Variants in GRIK2 observed in about 807,000 individuals in gnomAD.
The protein encoded by GRIK2 is glutamate receptor ionotropic, kainate 2.
Under a neutral mutation model 100.3 loss-of-function variants are expected in GRIK2, and 32 were observed. That is an observed-to-expected ratio of 0.32 (90% CI 0.24 to 0.43). The LOEUF is 0.43. GRIK2 is among the 20% of genes least tolerant of loss of function. GRIK2 has a pLI of 1.00. For synonymous variants in GRIK2, 417 were observed against 389.4 expected (o/e 1.07, Z -0.83); for missense variants, 843 against 1,114.9 (o/e 0.76, Z 3.47).
chr6:101,871,771 A>G (rs1288697333), intron 11 of GRIK2, among the ~76,000 whole-genome samples: 6 of 151,848 alleles, frequency 4.0e-5, no homozygotes, highest in African/African-American at 7.3e-5. Flanking sequence ...TCTTTATCCA[A>G]TCCATTGTTG....
intron 1 of GRIK2, among the ~76,000 whole-genome samples, chr6:101,395,612 A>G (rs1178109068): frequency 6.6e-6 from 1 of 152,250 alleles, no homozygotes; most frequent in Non-Finnish European, 1.5e-5. Context: ...CTCAAGTAAT[A>G]GTGCCCAAGA....
At chr6:101,572,334 T>A (rs1188837295) in intron 2 of GRIK2, among the ~76,000 whole-genome samples, 4 of 152,108 alleles carry the variant, frequency 2.6e-5, no homozygotes. Flanking sequence ...TACCACTTCC[T>A]CATACCACCG....
chr6:101,812,901 A>G (rs1781422260), intron 9 of GRIK2, among the ~76,000 whole-genome samples: 1 of 152,078 alleles, frequency 6.6e-6, no homozygotes, highest in South Asian at 2.1e-4. Context: ...AAGATGCAAC[A>G]AAGTCTATGT....
intron 9 of GRIK2, among the ~76,000 whole-genome samples, chr6:101,805,848 T>C (rs186137162): frequency 3.9e-5 from 6 of 152,114 alleles, no homozygotes; most frequent in Non-Finnish European, 8.8e-5. Flanking sequence ...GCTTCTGTTG[T>C]TTACAACTGT....
chr6:102,023,098 A>AATT (rs1769517634), intron 14 of GRIK2, among the ~76,000 whole-genome samples: 1 of 151,470 alleles, frequency 6.6e-6, no homozygotes, highest in Non-Finnish European at 1.5e-5. Flanking sequence ...CAAAAAAATT[A>AATT]ATTTAAATTT....
intron 2 of GRIK2, among the ~76,000 whole-genome samples, chr6:101,486,133 C>G (rs1324290778): frequency 2.6e-5 from 4 of 151,950 alleles, no homozygotes; most frequent in Admixed American, 2.6e-4. Flanking sequence ...TGAGGAATAC[C>G]ATGCCTTGGT....
chr6:101,851,256 A>G (rs1784110770), intron 10 of GRIK2, among the ~76,000 whole-genome samples: 1 of 152,048 alleles, frequency 6.6e-6, no homozygotes, highest in Non-Finnish European at 1.5e-5. Flanking sequence ...GGTGAAGGAA[A>G]TCAAATTAAC....
At chr6:102,019,259 T>C (rs991927894) in intron 14 of GRIK2, among the ~76,000 whole-genome samples, 1 of 152,072 alleles carries the variant, frequency 6.6e-6, no homozygotes, top group Non-Finnish European at 1.5e-5. Flanking sequence ...AGATGGATGG[T>C]GTTACAGGAA....
intron 14 of GRIK2, among the ~76,000 whole-genome samples, chr6:101,976,411 G>C (rs1480695212): frequency 6.6e-6 from 1 of 151,904 alleles, no homozygotes; most frequent in Non-Finnish European, 1.5e-5. Context: ...AAAGTGTTCT[G>C]TGCATCTGGG....
At chr6:101,556,499 T>C (rs919794172) in intron 2 of GRIK2, among the ~76,000 whole-genome samples, 1 of 151,794 alleles carries the variant, frequency 6.6e-6, no homozygotes, top group African/African-American at 2.4e-5. Flanking sequence ...TTTCACAAAA[T>C]GAACAGCTGT....
intron 2 of GRIK2, among the ~76,000 whole-genome samples, chr6:101,496,744 C>A (rs771211553): frequency 6.6e-5 from 10 of 152,056 alleles, no homozygotes; most frequent in African/African-American, 9.7e-5. Context: ...AACTAGAGTT[C>A]GCTTTCAAAT....
intron 15 of GRIK2, 73 bp from the exon 16 acceptor site, chr6:102,055,252 CCTCCT>C (rs750987305): frequency 4.6e-6 from 5 of 1,083,982 alleles, no homozygotes; most frequent in Non-Finnish European, 6.7e-6. Context: ...AAATCTCTGC[CCTCCT>C]CTCATCTTGC....
Position 101,560,224 on chromosome 6 carries a change from T to C in GRIK2, c.116-61725T>C, listed in dbSNP as rs140398875. ...AGACTGTGGTAGATTGTTCTAATAT[T>C]CTAAGTTTATTTTCCTTTACTAGTC... is the stretch of plus-strand genomic sequence containing the variant. On this transcript the variant is annotated intron_variant, in intron 2 of 16. Coordinates refer to ENST00000369134, the MANE Select transcript of GRIK2 (RefSeq NM_021956.5). Among the ~76,000 whole-genome samples, 213 of 152,240 alleles carry C rather than the reference T, an allele frequency of 1.4e-3. 1 individual carries two copies. The highest frequency in any genetic ancestry group is 5.0e-3 in the African/African-American group (208 of 41,560).
intron 14 of GRIK2, among the ~76,000 whole-genome samples, chr6:101,955,688 G>T (rs1213721609): frequency 6.8e-6 from 1 of 147,068 alleles, no homozygotes; most frequent in African/African-American, 2.5e-5. Context: ...CATCTATATT[G>T]TCTAATTTGT....
chr6:101,676,425 T>C (rs982071634), intron 4 of GRIK2, among the ~76,000 whole-genome samples, 198 bp from the exon 5 acceptor site: 26 of 152,146 alleles, frequency 1.7e-4, no homozygotes, highest in Non-Finnish European at 2.6e-4. Flanking sequence ...AATACACTTA[T>C]ACATGGTCAA....
Position 102,069,236 on chromosome 6 carries a change from G to T in GRIK2, c.*725G>T, listed in dbSNP as rs964780132. On this transcript the variant is annotated 3_prime_UTR_variant, in exon 17 of 17. Transcript: ENST00000369134. ...TTCCCTAAGGCAGAAGATTTAACAT[G>T]CAATTCTACCAGATCCCTTCCTATT... 3.4e-5 allele frequency: 5 copies of T among 147,674 alleles called. No homozygotes were observed. Among genetic ancestry groups the T allele is most frequent in the Non-Finnish European group, 6.0e-5 (4 of 67,094 alleles). 9.1% of individuals were successfully genotyped at this position (147,674 alleles called of 1,614,324 possible). A position where few individuals can be genotyped will look rare whatever the true frequency, so the allele number is the denominator to read the frequency against.
intron 4 of GRIK2, among the ~76,000 whole-genome samples, chr6:101,630,576 G>T (rs1780683202): frequency 6.6e-6 from 1 of 151,930 alleles, no homozygotes; most frequent in Non-Finnish European, 1.5e-5. Flanking sequence ...TTTTTTGCTT[G>T]TTGATTTATT....
At chr6:101,885,766 G>A (rs1289220065) in intron 11 of GRIK2, among the ~76,000 whole-genome samples, 1 of 151,968 alleles carries the variant, frequency 6.6e-6, no homozygotes, top group East Asian at 1.9e-4. Context: ...ATTTTTTAGT[G>A]AAATTTGAGG....
chr6:101,449,275 A>C (rs1424192091), intron 2 of GRIK2, among the ~76,000 whole-genome samples: 1 of 151,670 alleles, frequency 6.6e-6, no homozygotes, highest in Non-Finnish European at 1.5e-5. Flanking sequence ...ATATAAAGTG[A>C]TTTTTATCTC....
Sources: gnomAD v4.1 joint callset for allele counts (sites outside exome capture counted in the v4.1 genomes callset) on GRCh38, gnomAD v4.1.1 for gene constraint, MANE v1.5 for transcripts, NCBI Gene and HGNC (gene_info 2026-07-23, HGNC 2026-07-21) for gene names.